The following USO1 variants were observed in gnomAD, a reference collection of about 807,000 sequenced individuals.
USO1 encodes the protein general vesicular transport factor p115.
In USO1, 57 loss-of-function variants were observed where a neutral mutation model predicts 124.5. The observed-to-expected ratio is 0.46, with a 90% CI of 0.37 to 0.57. The LOEUF (loss-of-function observed/expected upper bound fraction) is 0.57, where lower values mean the gene tolerates loss of function less well. Among genes scored for constraint, USO1 ranks in the 20% least tolerant of loss-of-function variants. The probability of loss-of-function intolerance (pLI) is 0.00; values close to 1 mark genes in which losing one functional copy is unlikely to be tolerated. For synonymous variants in USO1, 369 were observed against 362.8 expected (o/e 1.02, Z -0.19); for missense variants, 900 against 1,040.6 (o/e 0.86, Z 1.86).
Position 75,806,477 on chromosome 4 carries a change from T to C in USO1, c.2290-9T>C. 1 of 1,554,010 alleles carries C rather than the reference T, an allele frequency of 6.4e-7. No homozygotes were observed. Among genetic ancestry groups the C allele is most frequent in the Non-Finnish European group, 8.7e-7 (1 of 1,147,982 alleles). On this transcript the variant is annotated splice_polypyrimidine_tract_variant and intron_variant, in intron 19 of 23. Coordinates refer to ENST00000514213, the MANE Select transcript of USO1 (RefSeq NM_003715.4). ...TATATTTTATAGTTTATTTTTGTGC[T>C]ATTTGCAGAAATCTTCCCAAACATC...
At position 75,800,414 on chromosome 4, in the gene USO1, C is replaced by T. The variant is rs929738293; in HGVS notation, c.1627C>T (p.Leu543Phe). ...EEQLVQGLCA[L>F]LLGISIYFND... The stretch of plus-strand genomic sequence containing the variant: ...GCAGTTGGTCCAAGGCTTATGTGCC[C>T]TTTTGTTGGGCATTTCGATTTATTT... The change falls in exon 15 of 24, where the codon CTT (leucine) becomes TTT (phenylalanine). Residue 543 changes from leucine (L) to phenylalanine (F), a missense_variant. Leu to Phe is a conservative substitution (Grantham distance 22). Coordinates refer to ENST00000514213, the MANE Select transcript of USO1 (RefSeq NM_003715.4). 5.6e-6 allele frequency: 9 copies of T among 1,598,108 alleles called. No individual in the cohort carries two copies. The Admixed American group carries it at 1.4e-4, about 25-fold the overall frequency.
intron 1 of USO1, among the ~76,000 whole-genome samples, chr4:75,748,691 TAAG>T (rs1721206279): frequency 6.6e-6 from 1 of 151,998 alleles, no homozygotes; most frequent in Non-Finnish European, 1.5e-5. Context: ...TCAAGGTAGA[TAAG>T]AATCCCAGAT....
chr4:75,742,871 T>C (rs1331630613), intron 1 of USO1, among the ~76,000 whole-genome samples: 1 of 152,206 alleles, frequency 6.6e-6, no homozygotes, highest in Non-Finnish European at 1.5e-5. Flanking sequence ...ACCAGTGAGT[T>C]TATGAATTTT....
intron 9 of USO1, among the ~76,000 whole-genome samples, chr4:75,785,697 A>T (rs1722342793): frequency 6.6e-6 from 1 of 152,080 alleles, no homozygotes; most frequent in African/African-American, 2.4e-5. Context: ...AAAGACACTC[A>T]ACTGCTATTA....
chr4:75,736,120 C>T (rs887084563), intron 1 of USO1, among the ~76,000 whole-genome samples: 1 of 151,954 alleles, frequency 6.6e-6, no homozygotes, highest in Non-Finnish European at 1.5e-5. Flanking sequence ...AGTTTAAGTT[C>T]TCTTTACTCC....
chr4:75,725,163 G>A (rs185396946), intron 1 of USO1, among the ~76,000 whole-genome samples: 1 of 152,196 alleles, frequency 6.6e-6, no homozygotes, highest in Non-Finnish European at 1.5e-5. Flanking sequence ...TCCGCAGGTG[G>A]TACCGCACGG....
In USO1 at chr4:75,770,959, C is replaced by G. The variant is rs1163132637; in HGVS notation, c.499+35C>G. On this transcript the variant is annotated intron_variant, in intron 6 of 23. Transcript: ENST00000514213. ...TTATCTTTTTTATATTATTTTGATT[C>G]AAGCATGAGTATCATTTCCTAGAGA... 3.1e-6 allele frequency: 5 copies of G among 1,599,754 alleles called. No homozygotes were observed. The East Asian group carries it at 1.1e-4, about 36-fold the overall frequency.
At chr4:75,785,322 C>G (rs1162949743) in intron 9 of USO1, among the ~76,000 whole-genome samples, 1 of 150,900 alleles carries the variant, frequency 6.6e-6, no homozygotes, top group Admixed American at 6.6e-5. Flanking sequence ...GGGAAAACAT[C>G]TTTTGAAAAG....
chr4:75,774,942 C>T (rs1722033632), intron 8 of USO1, 146 bp downstream of exon 8: 4 of 1,268,442 alleles, frequency 3.2e-6, no homozygotes, highest in Non-Finnish European at 4.1e-6. Context: ...CTATCGATTT[C>T]TCTTTATCCT....
At chr4:75,742,765 A>G (rs962866031) in intron 1 of USO1, among the ~76,000 whole-genome samples, 3 of 152,228 alleles carry the variant, frequency 2.0e-5, no homozygotes, top group Non-Finnish European at 4.4e-5. Context: ...AGATTACATT[A>G]AAATCTGATA....
chr4:75,758,703 G>C (rs1721510787), intron 4 of USO1, among the ~76,000 whole-genome samples: 1 of 152,026 alleles, frequency 6.6e-6, no homozygotes, highest in Non-Finnish European at 1.5e-5. Flanking sequence ...GGCAACATAA[G>C]TGAGACCCCA....
intron 1 of USO1, among the ~76,000 whole-genome samples, chr4:75,728,536 G>C (rs977297764): frequency 2.6e-5 from 4 of 152,146 alleles, no homozygotes; most frequent in African/African-American, 9.7e-5. Context: ...TATAATCTCA[G>C]CTACTCAGGA....
chr4:75,752,049 T>G (rs922174514), intron 1 of USO1, among the ~76,000 whole-genome samples: 8 of 152,196 alleles, frequency 5.3e-5, no homozygotes, highest in African/African-American at 1.4e-4. Context: ...CATATTGGAT[T>G]ATGCTCCCCT....
chr4:75,788,228 CATG>C (rs1722423103), intron 10 of USO1, among the ~76,000 whole-genome samples: 1 of 146,306 alleles, frequency 6.8e-6, no homozygotes, highest in South Asian at 2.1e-4. Context: ...AGTACAGTGG[CATG>C]ATCTCAGCTC....
rs528134408 is a variant in USO1 at position 75,774,765 on chromosome 4, C to T, written c.645C>T (p.Asp215=). 2.5e-6 allele frequency: 4 copies of T among 1,613,560 alleles called. No homozygotes were observed. In the South Asian group the frequency reaches 3.3e-5, roughly 13 times the overall value. Residue 215 remains aspartate (D), a synonymous_variant, in exon 8 of 24, where the codon GAC becomes GAT. Coordinates refer to ENST00000514213, the MANE Select transcript of USO1 (RefSeq NM_003715.4). ...AAAATGCTTTCGAGAGACTACTGGA[C>T]ATTATTTCAGAGGAGGGGAACAGTG... ...AFENAFERLL[D]IISEEGNSDG...
At position 75,804,921 on chromosome 4, in the gene USO1, C is replaced by T. The variant is rs576199198; in HGVS notation, c.2126-219C>T. ...CTTAATCATAGATCACCAGACCATGCAGTTTAGTCAAGGCTGTGCTGTTTT... is the reference window on the plus strand; with the variant it reads ...CTTAATCATAGATCACCAGACCATGTAGTTTAGTCAAGGCTGTGCTGTTTT... On this transcript the variant is annotated intron_variant, in intron 18 of 23. Coordinates refer to ENST00000514213, the MANE Select transcript of USO1 (RefSeq NM_003715.4). 1.6e-4 allele frequency: 69 copies of T among 422,846 alleles called. 3 individuals carry two copies. In the South Asian group the frequency reaches 4.4e-3, roughly 27 times the overall value. 26.2% of individuals were successfully genotyped at this position (422,846 alleles called of 1,614,324 possible). A position where few individuals can be genotyped will look rare whatever the true frequency, so the allele number is the denominator to read the frequency against.
In USO1 at chr4:75,793,749, T is replaced by G. The variant is rs756156380; in HGVS notation, c.1300T>G (p.Ser434Ala). Reference sequence around the variant, plus strand: ...ATGTGGAGGTTTGTTTTCTACTGATTCACTTTCAAACTGGTGTGCTGCTGT... The same window carrying G: ...ATGTGGAGGTTTGTTTTCTACTGATGCACTTTCAAACTGGTGTGCTGCTGT... Reference protein sequence around the residue: ...LLCGGLFSTDSLSNWCAAVAL... With the variant: ...LLCGGLFSTDALSNWCAAVAL... Residue 434 changes from serine to alanine, a missense_variant, in exon 13 of 24, where the codon TCA (serine) becomes GCA (alanine). Physicochemically the swap from Ser to Ala is moderately conservative, Grantham distance 99 (BLOSUM62 1). Transcript: ENST00000514213. The G allele has an allele frequency of 6.2e-7, 1 of 1,613,594 alleles. No homozygotes were observed. Among genetic ancestry groups the G allele is most frequent in the South Asian group, 1.1e-5 (1 of 91,032 alleles).
intron 1 of USO1, among the ~76,000 whole-genome samples, chr4:75,731,603 A>G (rs1460054330): frequency 2.0e-5 from 3 of 152,082 alleles, no homozygotes; most frequent in Non-Finnish European, 4.4e-5. Context: ...AAACAATAAT[A>G]TTTTTATTTC....
chr4:75,785,825 G>T (rs774008010), intron 9 of USO1, among the ~76,000 whole-genome samples: 1 of 152,022 alleles, frequency 6.6e-6, no homozygotes, highest in African/African-American at 2.4e-5. Context: ...GACATATTGC[G>T]TAGTATTTGT....
Sources: allele counts gnomAD v4.1 joint callset (sites outside exome capture counted in the v4.1 genomes callset), GRCh38; gene constraint gnomAD v4.1.1; transcripts MANE v1.5; gene names NCBI Gene and HGNC (gene_info 2026-07-23, HGNC 2026-07-21).